TMEM132D: variants seen among roughly 807,000 people sequenced by gnomAD.
TMEM132D encodes transmembrane protein 132D, also known as mature OL transmembrane protein.
In TMEM132D, 21 loss-of-function variants were observed where a neutral mutation model predicts 62.3. That is an observed-to-expected ratio of 0.34 (90% CI 0.24 to 0.49). TMEM132D has a LOEUF of 0.49. Ranked by LOEUF, TMEM132D falls within the 20% of genes least tolerant of loss-of-function variation. The pLI is 0.99. For missense variants in TMEM132D, 1,346 were observed against 1,402.8 expected, an observed-to-expected ratio of 0.96 and a Z score of 0.65; for synonymous variants, 621 against 575.6, an observed-to-expected ratio of 1.08 and a Z score of -1.13.
At chr12:129,307,062 ATT>A (rs3045974) in intron 4 of TMEM132D, among the ~76,000 whole-genome samples, 76 of 149,418 alleles carry the variant, frequency 5.1e-4, no homozygotes, top group African/African-American at 1.8e-3. Context: ...CAATAGACTG[ATT>A]TTTTTTTTTT....
At chr12:129,384,610 C>T (rs1871051394) in intron 3 of TMEM132D, among the ~76,000 whole-genome samples, 1 of 151,866 alleles carries the variant, frequency 6.6e-6, no homozygotes, top group African/African-American at 2.4e-5. Flanking sequence ...AGACCCATTT[C>T]ACTTCTTCCC....
At chr12:129,243,013 G>C (rs1467310150) in intron 4 of TMEM132D, among the ~76,000 whole-genome samples, 1 of 152,174 alleles carries the variant, frequency 6.6e-6, no homozygotes, top group Non-Finnish European at 1.5e-5. Context: ...ATTGCTAATG[G>C]ATCCCATTTT....
At position 129,209,901 on chromosome 12, in the gene TMEM132D, G is replaced by C. The variant is rs780283624; in HGVS notation, c.1300-238C>G. The C allele has an allele frequency of 1.3e-5, 7 of 533,664 alleles. No individual in the cohort carries two copies. The South Asian group carries it at 1.6e-4, about 12-fold the overall frequency. 33.1% of individuals were successfully genotyped at this position (533,664 alleles called of 1,614,324 possible). A position where few individuals can be genotyped will look rare whatever the true frequency, so the allele number is the denominator to read the frequency against. On this transcript the variant is annotated intron_variant, in intron 4 of 8. Transcript: ENST00000422113. ...GGGGAAGGGGTGGAGGACAGAAAAG[G>C]TGGCGGAGGAAATTTATTACTAATA...
chr12:129,537,969 C>A (rs112029495), intron 2 of TMEM132D, among the ~76,000 whole-genome samples: 5 of 152,168 alleles, frequency 3.3e-5, no homozygotes, highest in African/African-American at 1.2e-4. Flanking sequence ...GCCTCATCGA[C>A]GCGGCACACA....
intron 5 of TMEM132D, among the ~76,000 whole-genome samples, chr12:129,151,981 G>A (rs1191634132): frequency 1.3e-5 from 2 of 150,210 alleles, no homozygotes; most frequent in Admixed American, 6.7e-5. Context: ...GGGTTCAAAC[G>A]ATTCTCCTGC....
intron 3 of TMEM132D, among the ~76,000 whole-genome samples, chr12:129,432,603 G>T (rs1872692826): frequency 6.6e-6 from 1 of 152,208 alleles, no homozygotes; most frequent in African/African-American, 2.4e-5. Context: ...GACATCTTTG[G>T]CGTGAAATTC....
At chr12:129,239,996 G>A (rs984767485) in intron 4 of TMEM132D, among the ~76,000 whole-genome samples, 1 of 152,200 alleles carries the variant, frequency 6.6e-6, no homozygotes, top group Non-Finnish European at 1.5e-5. Context: ...AAGGAAAAGG[G>A]AGAAATGGCT....
chr12:129,524,256 G>A (rs1043929022), intron 3 of TMEM132D, among the ~76,000 whole-genome samples: 2 of 151,232 alleles, frequency 1.3e-5, no homozygotes, highest in Middle Eastern at 3.4e-3. Flanking sequence ...AAATAAAAAG[G>A]TGAAAAAAAA....
At chr12:129,088,554 G>T (rs1487993829) in intron 5 of TMEM132D, among the ~76,000 whole-genome samples, 3 of 30,536 alleles carry the variant, frequency 9.8e-5, no homozygotes, top group African/African-American at 2.5e-4. Context: ...CTCCCTGACC[G>T]GGTGTCCTCC....
intron 3 of TMEM132D, among the ~76,000 whole-genome samples, chr12:129,380,033 C>A (rs1382384155): frequency 1.3e-5 from 2 of 152,006 alleles, no homozygotes; most frequent in Admixed American, 6.6e-5. Context: ...CTAAAAGAGA[C>A]CTTTTATTAA....
chr12:129,670,124 T>C (rs975530160), intron 2 of TMEM132D, among the ~76,000 whole-genome samples: 4 of 152,142 alleles, frequency 2.6e-5, no homozygotes, highest in Non-Finnish European at 5.9e-5. Context: ...ACTGAGGCAG[T>C]GAAAGAGATC....
intron 4 of TMEM132D, among the ~76,000 whole-genome samples, chr12:129,251,574 T>A (rs991938439): frequency 2.0e-5 from 3 of 152,194 alleles, no homozygotes; most frequent in African/African-American, 7.2e-5. Flanking sequence ...CAAATTTGTT[T>A]CTTTTTGAAG....
chr12:129,788,650 AG>A, intron 1 of TMEM132D, among the ~76,000 whole-genome samples: 1 of 152,354 alleles, frequency 6.6e-6, no homozygotes, highest in African/African-American at 2.4e-5. Flanking sequence ...TGTGAACTAC[AG>A]GATGAATTGA....
intron 5 of TMEM132D, among the ~76,000 whole-genome samples, chr12:129,168,234 C>T (rs1184871256): frequency 7.4e-6 from 1 of 135,026 alleles, no homozygotes; most frequent in Non-Finnish European, 1.5e-5. Context: ...GCTCCTCAAT[C>T]CATCTCCTCT....
At position 129,808,046 on chromosome 12, in the gene TMEM132D, A is replaced by C. The variant is rs576611174; in HGVS notation, c.79+95215T>G. On this transcript the variant is annotated intron_variant, in intron 1 of 8. Transcript: ENST00000422113. Reference sequence around the variant, plus strand: ...TAGGGTTGTCTTCTTATTTAATACCATGTCATTACAAATTATAGAACTCAA... The same window carrying C: ...TAGGGTTGTCTTCTTATTTAATACCCTGTCATTACAAATTATAGAACTCAA... Among the ~76,000 whole-genome samples the C allele has an allele frequency of 6.6e-5, 10 of 152,344 alleles. No individual in the cohort carries two copies. The South Asian group carries it at 8.3e-4, about 13-fold the overall frequency.
intron 2 of TMEM132D, among the ~76,000 whole-genome samples, chr12:129,548,543 A>G (rs1306728831): frequency 6.6e-6 from 1 of 152,206 alleles, no homozygotes; most frequent in African/African-American, 2.4e-5. Flanking sequence ...AAAATCCCAT[A>G]TTGGATATTA....
rs1181120086 is a variant in TMEM132D, at chr12:129,904,004, C to T, written c.-665G>A. ...CCGGGCCCGGCTGGGGCTCGCGGGGCTCTACGCGCGCCGAGCGCACTGCAG... is the reference window on the plus strand; with the variant it reads ...CCGGGCCCGGCTGGGGCTCGCGGGGTTCTACGCGCGCCGAGCGCACTGCAG... On this transcript the variant is annotated 5_prime_UTR_variant, in exon 1 of 9. Coordinates refer to ENST00000422113, the MANE Select transcript of TMEM132D (RefSeq NM_133448.3). 6.7e-6 allele frequency among the ~76,000 whole-genome samples: 1 copy of T among 149,650 alleles called. No homozygotes were observed. Among genetic ancestry groups the T allele is most frequent in the Non-Finnish European group, 1.5e-5 (1 of 67,066 alleles).
intron 3 of TMEM132D, among the ~76,000 whole-genome samples, chr12:129,441,677 G>A (rs1872939446): frequency 6.6e-6 from 1 of 152,124 alleles, no homozygotes; most frequent in Non-Finnish European, 1.5e-5. Context: ...ACCAAAAAGA[G>A]CCCTGTGCCC....
chr12:129,601,635 T>A (rs913690437), intron 2 of TMEM132D, among the ~76,000 whole-genome samples: 4 of 152,164 alleles, frequency 2.6e-5, no homozygotes, highest in Admixed American at 6.5e-5. Context: ...TTCATTTCAA[T>A]ATTTTTGTGT....
Sources: gnomAD v4.1 joint callset for allele counts (sites outside exome capture counted in the v4.1 genomes callset) on GRCh38, gnomAD v4.1.1 for gene constraint, MANE v1.5 for transcripts, NCBI Gene and HGNC (gene_info 2026-07-23, HGNC 2026-07-21) for gene names.